Variants in UNC13A observed in about 807,000 individuals in gnomAD.
UNC13A encodes the protein protein unc-13 homolog A.
A neutral mutation model predicts 219.7 loss-of-function variants in UNC13A; 61 were observed. That is an observed-to-expected ratio of 0.28 (90% CI 0.23 to 0.34). The LOEUF (loss-of-function observed/expected upper bound fraction) is 0.34, where lower values mean the gene tolerates loss of function less well. Among genes scored for constraint, UNC13A ranks in the 10% least tolerant of loss-of-function variants. The pLI, the probability that UNC13A is intolerant of heterozygous loss-of-function variation, is 1.00. For synonymous variants in UNC13A, 920 were observed against 884.6 expected (o/e 1.04, Z -0.71); for missense variants, 1,476 against 2,270.3 (o/e 0.65, Z 7.11).
At chr19:17,653,896 G>A (rs1006660500) in intron 11 of UNC13A, among the ~76,000 whole-genome samples, 15 of 145,048 alleles carry the variant, frequency 1.0e-4, no homozygotes, top group Admixed American at 2.2e-4. Context: ...GCGCGATCTC[G>A]GCTCACTGCC....
At chr19:17,678,408 G>A (rs745321527) in intron 1 of UNC13A, among the ~76,000 whole-genome samples, 1 of 152,162 alleles carries the variant, frequency 6.6e-6, no homozygotes. Flanking sequence ...TAACCTGGAA[G>A]GCAGAGGTTG....
chr19:17,672,563 T>C, intron 3 of UNC13A, 68 bp from the exon 4 acceptor site: 1 of 1,258,224 alleles, frequency 7.9e-7, no homozygotes, highest in Non-Finnish European at 1.1e-6. Flanking sequence ...GGAGTTTAGT[T>C]GATTCGCCTG....
At chr19:17,684,045 G>A (rs2080066800) in intron 1 of UNC13A, among the ~76,000 whole-genome samples, 1 of 152,212 alleles carries the variant, frequency 6.6e-6, no homozygotes, top group Non-Finnish European at 1.5e-5. Context: ...GCAGCAAGCT[G>A]AGATCATGCC....
Position 17,680,888 on chromosome 19 carries a change from T to C in UNC13A, c.23-4847A>G, listed in dbSNP as rs1336942566. ...CTTCTTCTTTTTTTTTCTTTTCTTT[T>C]CTTTTTTTTTTTTTTTTTTTTTTTG... On this transcript the variant is annotated intron_variant, in intron 1 of 43. Coordinates refer to ENST00000519716, the MANE Select transcript of UNC13A (RefSeq NM_001080421.3). 8.0e-5 allele frequency among the ~76,000 whole-genome samples: 9 copies of C among 112,178 alleles called. No individual in the cohort carries two copies. In the East Asian group the frequency reaches 1.6e-3, roughly 20 times the overall value. 73.6% of individuals were successfully genotyped at this position (112,178 alleles called of 152,430 possible). A position where few individuals can be genotyped will look rare whatever the true frequency, so the allele number is the denominator to read the frequency against.
intron 1 of UNC13A, among the ~76,000 whole-genome samples, chr19:17,684,328 C>G (rs956768195): frequency 6.6e-6 from 1 of 152,100 alleles, no homozygotes; most frequent in African/African-American, 2.4e-5. Context: ...CTGGATACCC[C>G]ACTCCTCAGC....
At chr19:17,657,867 T>TAA (rs971430450) in intron 9 of UNC13A, among the ~76,000 whole-genome samples, 195 bp downstream of exon 9, 1 of 121,582 alleles carries the variant, frequency 8.2e-6, no homozygotes, top group Non-Finnish European at 1.7e-5. Flanking sequence ...AGACTCTGTC[T>TAA]AAAAAAAAAA....
chr19:17,635,607 C>A (rs1351367435), intron 26 of UNC13A, among the ~76,000 whole-genome samples: 1 of 152,094 alleles, frequency 6.6e-6, no homozygotes, highest in Non-Finnish European at 1.5e-5. Flanking sequence ...ACCCAAAACC[C>A]ACTGACCACA....
rs2076484191 is a variant in UNC13A at position 17,603,174 on chromosome 19, A to C, written c.*2880T>G. ...CTCATTCAACAAATATTCCCTGAAG[A>C]AGCTTGTTTCCTTCACATGCCTGGG... On this transcript the variant is annotated 3_prime_UTR_variant, in exon 44 of 44. Transcript: ENST00000519716. 6.6e-6 allele frequency: 1 copy of C among 152,242 alleles called. No individual in the cohort carries two copies. Among genetic ancestry groups the C allele is most frequent in the Admixed American group, 6.5e-5 (1 of 15,282 alleles). 9.4% of individuals were successfully genotyped at this position (152,242 alleles called of 1,614,324 possible). A position where few individuals can be genotyped will look rare whatever the true frequency, so the allele number is the denominator to read the frequency against.
rs758556863 is a variant in UNC13A at position 17,606,044 on chromosome 19, A to G, written c.*10T>C. ...GCGCAGGCGCAGTGCCGCTCGGCCG[A>G]CCGCCCGCGCTAAGGCGCAGGCGCG... On this transcript the variant is annotated 3_prime_UTR_variant, in exon 44 of 44. Transcript: ENST00000519716. The G allele has an allele frequency of 2.0e-6, 3 of 1,504,764 alleles. No homozygotes were observed. Among genetic ancestry groups the G allele is most frequent in the Non-Finnish European group, 2.6e-6 (3 of 1,133,280 alleles). The allele number at this position is 1,504,764 out of a possible 1,614,324, so 93.2% of individuals were successfully genotyped here.
intron 8 of UNC13A, among the ~76,000 whole-genome samples, chr19:17,662,211 C>T (rs1204352666): frequency 6.6e-6 from 1 of 151,452 alleles, no homozygotes; most frequent in East Asian, 1.9e-4. Flanking sequence ...CACTGTACTC[C>T]ATCCAGCCTG....
rs775130688 is a variant in UNC13A, at chr19:17,648,999, A to C, written c.1525-16T>G. 3.3e-5 allele frequency: 53 copies of C among 1,590,812 alleles called. 1 individual carries two copies. The South Asian group carries it at 5.6e-4, about 17-fold the overall frequency. On this transcript the variant is annotated splice_polypyrimidine_tract_variant and intron_variant, in intron 14 of 43. Coordinates refer to ENST00000519716, the MANE Select transcript of UNC13A (RefSeq NM_001080421.3). ...GGACCAGGGACTGGGGAGGTCACAGAAGAGGGAGTCGGGGGGGTTGACATC... is the reference window on the plus strand; with the variant it reads ...GGACCAGGGACTGGGGAGGTCACAGCAGAGGGAGTCGGGGGGGTTGACATC...
At chr19:17,670,512 C>T (rs937575067) in intron 4 of UNC13A, among the ~76,000 whole-genome samples, 3 of 149,558 alleles carry the variant, frequency 2.0e-5, no homozygotes, top group Admixed American at 6.7e-5. Context: ...GCTGGGATTA[C>T]AGGTGTGAGC....
intron 12 of UNC13A, among the ~76,000 whole-genome samples, chr19:17,652,144 A>G (rs1159954587): frequency 6.6e-6 from 1 of 151,510 alleles, no homozygotes; most frequent in Non-Finnish European, 1.5e-5. Flanking sequence ...TTGTTTGTTT[A>G]TTTTTGAGAC....
chr19:17,647,402 C>A lies in UNC13A; in HGVS notation c.1907G>T (p.Arg636Leu), dbSNP rs191081718. The A allele has an allele frequency of 6.2e-7, 1 of 1,613,726 alleles. No individual in the cohort carries two copies. Among genetic ancestry groups the A allele is most frequent in the Admixed American group, 1.7e-5 (1 of 60,004 alleles). Residue 636 changes from arginine (R) to leucine (L), a missense_variant, in exon 17 of 44, where the codon CGC (arginine) becomes CTC (leucine). By Grantham distance (102) the Arg-to-Leu change is moderately radical. Coordinates refer to ENST00000519716, the MANE Select transcript of UNC13A (RefSeq NM_001080421.3). ...GAGCTCGAAGATCTCGGGCTTGTTG[C>A]GCTCCCGGATCTTCATGCGGTCCTT... The part of the protein sequence containing the change: ...VLKDRMKIRE[R>L]NKPEIFELIQ...
intron 8 of UNC13A, among the ~76,000 whole-genome samples, chr19:17,661,824 C>A (rs2079555643): frequency 6.6e-6 from 1 of 152,112 alleles, no homozygotes; most frequent in Non-Finnish European, 1.5e-5. Flanking sequence ...GGAGCTGGGG[C>A]GCACAGCAGG....
In UNC13A at chr19:17,688,348, C is replaced by G. The variant is rs1002674893; in HGVS notation, c.-149G>C. 6.7e-5 allele frequency: 78 copies of G among 1,167,942 alleles called. No individual in the cohort carries two copies. The highest frequency in any genetic ancestry group is 1.1e-4 in the East Asian group (2 of 19,012). 72.3% of individuals were successfully genotyped at this position (1,167,942 alleles called of 1,614,324 possible). A position where few individuals can be genotyped will look rare whatever the true frequency, so the allele number is the denominator to read the frequency against. ...GCCACCGGCCATCTTGGTTCAGCAC[C>G]GGGGGCGCGGACAGCGCCTGACGTG... On this transcript the variant is annotated 5_prime_UTR_variant, in exon 1 of 44. Transcript: ENST00000519716.
chr19:17,636,295 G>A, intron 25 of UNC13A, 138 bp from the exon 26 acceptor site: 1 of 1,092,970 alleles, frequency 9.1e-7, no homozygotes, highest in East Asian at 2.6e-5. Context: ...AATCTATATA[G>A]AGAGGAATTG....
intron 8 of UNC13A, among the ~76,000 whole-genome samples, chr19:17,659,067 A>G (rs1298044791): frequency 1.5e-5 from 2 of 130,998 alleles, no homozygotes; most frequent in East Asian, 1.9e-4. Flanking sequence ...TCTTTTCTGT[A>G]CCTTCTGAAA....
intron 20 of UNC13A, among the ~76,000 whole-genome samples, chr19:17,642,336 CATCT>C (rs780884477): frequency 7.9e-5 from 12 of 152,030 alleles, no homozygotes; most frequent in Non-Finnish European, 1.5e-4. Context: ...TATATCCATC[CATCT>C]GTCCATCCAT....
Sources: allele counts gnomAD v4.1 joint callset (sites outside exome capture counted in the v4.1 genomes callset), GRCh38; gene constraint gnomAD v4.1.1; transcripts MANE v1.5; gene names NCBI Gene and HGNC (gene_info 2026-07-23, HGNC 2026-07-21).